The following SKAP1 variants were observed in gnomAD, a reference collection of about 807,000 sequenced individuals.
SKAP1 encodes the protein src kinase-associated phosphoprotein 1.
Under a neutral mutation model 58.5 loss-of-function variants are expected in SKAP1, and 44 were observed. That is an observed-to-expected ratio of 0.75 (90% CI 0.59 to 0.97). The LOEUF (loss-of-function observed/expected upper bound fraction) is 0.97, where lower values mean the gene tolerates loss of function less well. SKAP1 is among the 50% of genes least tolerant of loss of function. SKAP1 has a pLI of 0.00. For synonymous variants in SKAP1, 127 were observed against 149.7 expected (o/e 0.85, Z 1.11); for missense variants, 390 against 435.2 (o/e 0.90, Z 0.92).
At chr17:48,210,602 G>C (rs751779252) in intron 4 of SKAP1, among the ~76,000 whole-genome samples, 1 of 152,140 alleles carries the variant, frequency 6.6e-6, no homozygotes, top group Non-Finnish European at 1.5e-5. Flanking sequence ...ACCTGGAAAA[G>C]AGCCAAGACA....
chr17:48,179,969 T>C (rs2064345605), intron 9 of SKAP1, 85 bp downstream of exon 9: 1 of 1,326,738 alleles, frequency 7.5e-7, no homozygotes, highest in Non-Finnish European at 1.0e-6. Context: ...TTGGCTTCCT[T>C]TGGAATTTTC....
chr17:48,162,395 A>AT (rs2064081662), intron 11 of SKAP1, 74 bp downstream of exon 11: 1 of 942,758 alleles, frequency 1.1e-6, no homozygotes, highest in African/African-American at 1.6e-5. Context: ...ACATGGAATA[A>AT]TTCTGTTTAT....
chr17:48,284,635 A>G (rs2065807761), intron 4 of SKAP1, among the ~76,000 whole-genome samples: 1 of 152,180 alleles, frequency 6.6e-6, no homozygotes, highest in Non-Finnish European at 1.5e-5. Flanking sequence ...TCCCTTTTTT[A>G]TAAGTAACGC....
intron 2 of SKAP1, among the ~76,000 whole-genome samples, chr17:48,366,851 C>A (rs2067009755): frequency 6.6e-6 from 1 of 152,066 alleles, no homozygotes; most frequent in Non-Finnish European, 1.5e-5. Context: ...CATGTATGTG[C>A]ACATGTGTAC....
At chr17:48,428,364 G>A (rs1417526451) in intron 1 of SKAP1, among the ~76,000 whole-genome samples, 3 of 152,214 alleles carry the variant, frequency 2.0e-5, no homozygotes, top group African/African-American at 7.2e-5. Context: ...CGCTCTACTT[G>A]TCAGCAAACA....
intron 11 of SKAP1, among the ~76,000 whole-genome samples, chr17:48,158,567 C>A (rs372186004): frequency 2.6e-3 from 159 of 61,488 alleles, no homozygotes; most frequent in Middle Eastern, 0.017. Flanking sequence ...GACTCTGTCT[C>A]AAAAAAAAAA....
chr17:48,383,233 GT>G (rs2144488554), intron 2 of SKAP1, among the ~76,000 whole-genome samples: 1 of 152,272 alleles, frequency 6.6e-6, no homozygotes, highest in East Asian at 1.9e-4. Flanking sequence ...GAAGTGAATG[GT>G]TTACTCAAGC....
intron 4 of SKAP1, among the ~76,000 whole-genome samples, chr17:48,226,634 T>G (rs1421177328): frequency 6.6e-6 from 1 of 152,182 alleles, no homozygotes; most frequent in African/African-American, 2.4e-5. Context: ...AGCTCAGTCC[T>G]CCAGTCTTCA....
In SKAP1 at chr17:48,162,409, G is replaced by A. The variant is rs566917637; in HGVS notation, c.978+60C>T. 4.9e-5 allele frequency: 56 copies of A among 1,132,264 alleles called. No homozygotes were observed. In the South Asian group the frequency reaches 5.4e-4, roughly 11 times the overall value. 70.1% of individuals were successfully genotyped at this position (1,132,264 alleles called of 1,614,324 possible). A position where few individuals can be genotyped will look rare whatever the true frequency, so the allele number is the denominator to read the frequency against. On this transcript the variant is annotated intron_variant, in intron 11 of 12. Transcript: ENST00000336915. ...GACATGGAATAATTCTGTTTATGGT[G>A]ACTAAATCAAGAATGAAAAAATTGA...
At chr17:48,289,191 C>T (rs776846098) in intron 4 of SKAP1, among the ~76,000 whole-genome samples, 60 of 152,014 alleles carry the variant, frequency 3.9e-4, no homozygotes, top group Non-Finnish European at 6.5e-4. Flanking sequence ...TTGTTGACTG[C>T]TAAAAGAAAT....
At chr17:48,444,157 G>A in the SKAP1 span, among the ~76,000 whole-genome samples, 1 of 99,222 alleles carries the variant, frequency 1.0e-5, no homozygotes, top group African/African-American at 2.7e-5. Context: ...CACTTTGGAA[G>A]GCTAAGGCGG....
intron 4 of SKAP1, among the ~76,000 whole-genome samples, chr17:48,342,117 T>C (rs1049653173): frequency 6.6e-6 from 1 of 152,230 alleles, no homozygotes; most frequent in African/African-American, 2.4e-5. Flanking sequence ...AGCTTTGTAG[T>C]TGCCTGGCTC....
Position 48,349,690 on chromosome 17 carries a change from G to A in SKAP1, c.179-3684C>T, listed in dbSNP as rs185678026. 1.2e-3 allele frequency among the ~76,000 whole-genome samples: 187 copies of A among 152,184 alleles called. 1 individual carries two copies. The highest frequency in any genetic ancestry group is 4.5e-3 in the African/African-American group (185 of 41,522). On this transcript the variant is annotated intron_variant, in intron 3 of 12. Coordinates refer to ENST00000336915, the MANE Select transcript of SKAP1 (RefSeq NM_003726.4). Reference sequence around the variant, plus strand: ...GTTCTCCACCCAGTACATGTTGAGGGGCCCATAAGCAGGATGATTTCTCTA... The same window carrying A: ...GTTCTCCACCCAGTACATGTTGAGGAGCCCATAAGCAGGATGATTTCTCTA...
Position 48,346,013 on chromosome 17 carries a change from G to A in SKAP1, c.179-7C>T. 6.5e-7 allele frequency: 1 copy of A among 1,537,114 alleles called. No homozygotes were observed. The highest frequency in any genetic ancestry group is 8.9e-7 in the Non-Finnish European group (1 of 1,126,784). The stretch of plus-strand genomic sequence containing the variant: ...TCCTGTCCAATGTCTCCCCCTGAGG[G>A]ACAAAAAAGACAGAAAATAAGGTTA... On this transcript the variant is annotated splice_polypyrimidine_tract_variant and splice_region_variant and intron_variant, in intron 3 of 12. Coordinates refer to ENST00000336915, the MANE Select transcript of SKAP1 (RefSeq NM_003726.4).
At chr17:48,412,191 G>A (rs938019486) in intron 1 of SKAP1, among the ~76,000 whole-genome samples, 1 of 151,886 alleles carries the variant, frequency 6.6e-6, no homozygotes, top group African/African-American at 2.4e-5. Flanking sequence ...TTAATGTTTT[G>A]CAAATAAAAA....
intron 4 of SKAP1, among the ~76,000 whole-genome samples, chr17:48,220,587 T>C (rs924729954): frequency 1.3e-5 from 2 of 152,148 alleles, no homozygotes; most frequent in Non-Finnish European, 1.5e-5. Flanking sequence ...CCAGGTGCAG[T>C]GGCTCACGCC....
chr17:48,397,188 T>G (rs966715635), intron 1 of SKAP1: 1 of 159,012 alleles, frequency 6.3e-6, no homozygotes, highest in African/African-American at 2.4e-5. Flanking sequence ...ATTTACATAT[T>G]AATTATTACT....
chr17:48,403,797 T>C lies in SKAP1; in HGVS notation c.47-7012A>G, dbSNP rs151258619. ...GTCAAACTGCAAAACAAGTTAAATC[T>C]AGATCACAGCCGGGCACAGTGGGTA... On this transcript the variant is annotated intron_variant, in intron 1 of 12. Transcript: ENST00000336915. Among the ~76,000 whole-genome samples the C allele has an allele frequency of 2.8e-3, 432 of 152,200 alleles. 2 individuals carry two copies. The highest frequency in any genetic ancestry group is 1.0e-2 in the African/African-American group (415 of 41,534).
chr17:48,356,172 TG>T (rs1674492535), intron 3 of SKAP1, among the ~76,000 whole-genome samples: 1 of 152,002 alleles, frequency 6.6e-6, no homozygotes, highest in African/African-American at 2.4e-5. Context: ...GAGGATCACT[TG>T]ATCTTGGGAG....
Sources: allele counts gnomAD v4.1 joint callset (sites outside exome capture counted in the v4.1 genomes callset), GRCh38; gene constraint gnomAD v4.1.1; transcripts MANE v1.5; gene names NCBI Gene and HGNC (gene_info 2026-07-23, HGNC 2026-07-21).